The following SDK1 variants were observed in gnomAD, a reference collection of about 807,000 sequenced individuals.
The protein encoded by SDK1 is protein sidekick-1.
In SDK1, 157 loss-of-function variants were observed where a neutral mutation model predicts 245.5. The observed-to-expected ratio is 0.64, with a 90% CI of 0.56 to 0.73. The LOEUF (loss-of-function observed/expected upper bound fraction) is 0.73, where lower values mean the gene tolerates loss of function less well. Among genes scored for constraint, SDK1 ranks in the 30% least tolerant of loss-of-function variants. The pLI, the probability that SDK1 is intolerant of heterozygous loss-of-function variation, is 0.00. For synonymous variants in SDK1, 1,647 were observed against 1,278.5 expected (o/e 1.29, Z -6.15); for missense variants, 3,583 against 3,002.3 (o/e 1.19, Z -4.52).
At chr7:3,650,387 C>A (rs531594156) in intron 4 of SDK1, among the ~76,000 whole-genome samples, 2 of 152,308 alleles carry the variant, frequency 1.3e-5, no homozygotes, top group East Asian at 1.9e-4. Context: ...CTGGAAACCA[C>A]TGTTCTGCTT....
At chr7:3,973,335 T>C (rs554087877) in intron 12 of SDK1, among the ~76,000 whole-genome samples, 10 of 152,214 alleles carry the variant, frequency 6.6e-5, no homozygotes, top group Non-Finnish European at 1.3e-4. Flanking sequence ...CTGGGCACAT[T>C]TGCAAAACCC....
At chr7:3,442,560 C>A (rs1780225057) in intron 1 of SDK1, among the ~76,000 whole-genome samples, 1 of 152,174 alleles carries the variant, frequency 6.6e-6, no homozygotes, top group South Asian at 2.1e-4. Context: ...GGCATGAAGT[C>A]AACCTGCCTG....
intron 4 of SDK1, among the ~76,000 whole-genome samples, chr7:3,814,606 G>C (rs1342100494): frequency 6.6e-6 from 1 of 151,926 alleles, no homozygotes; most frequent in African/African-American, 2.4e-5. Flanking sequence ...GCTCTTTTTT[G>C]GTTCCACATG....
intron 4 of SDK1, among the ~76,000 whole-genome samples, chr7:3,809,514 GA>G (rs1779333185): frequency 6.6e-6 from 1 of 152,152 alleles, no homozygotes; most frequent in Non-Finnish European, 1.5e-5. Context: ...CTCGGCAATC[GA>G]AAAGAGTCTT....
intron 4 of SDK1, among the ~76,000 whole-genome samples, chr7:3,787,186 A>T (rs532660498): frequency 4.7e-5 from 7 of 147,418 alleles, no homozygotes; most frequent in Admixed American, 3.4e-4. Context: ...ACACACACAC[A>T]CTCCCATACA....
At chr7:3,648,975 A>G (rs1404721916) in intron 4 of SDK1, among the ~76,000 whole-genome samples, 1 of 152,216 alleles carries the variant, frequency 6.6e-6, no homozygotes, top group Non-Finnish European at 1.5e-5. Flanking sequence ...AGGGGGTGCC[A>G]TGGCAGTTGT....
intron 5 of SDK1, among the ~76,000 whole-genome samples, chr7:3,930,222 T>G (rs945451053): frequency 1.3e-5 from 2 of 152,270 alleles, no homozygotes; most frequent in Non-Finnish European, 2.9e-5. Flanking sequence ...GTTGCTCCAC[T>G]TTCAGGAACA....
At chr7:3,860,059 A>G (rs899923691) in intron 5 of SDK1, among the ~76,000 whole-genome samples, 6 of 151,822 alleles carry the variant, frequency 4.0e-5, no homozygotes, top group Non-Finnish European at 7.4e-5. Context: ...AGCTGGGACT[A>G]CAGGTGCCTG....
intron 40 of SDK1, among the ~76,000 whole-genome samples, chr7:4,229,638 A>G (rs1330490146): frequency 2.0e-5 from 3 of 152,140 alleles, no homozygotes; most frequent in Non-Finnish European, 4.4e-5. Context: ...AAAGACATTC[A>G]GAGAATCCAC....
chr7:4,155,777 C>T (rs1207537670), intron 30 of SDK1, among the ~76,000 whole-genome samples: 2 of 152,164 alleles, frequency 1.3e-5, no homozygotes, highest in Admixed American at 6.5e-5. Flanking sequence ...ACCCATAGAT[C>T]TGAGCACCTC....
intron 1 of SDK1, among the ~76,000 whole-genome samples, chr7:3,452,554 ATT>A (rs2128592071): frequency 6.6e-6 from 1 of 152,340 alleles, no homozygotes; most frequent in East Asian, 1.9e-4. Flanking sequence ...AAAATGTCAC[ATT>A]GAGAGGACTT....
At chr7:3,517,613 G>T (rs1031670441) in intron 1 of SDK1, among the ~76,000 whole-genome samples, 1 of 152,092 alleles carries the variant, frequency 6.6e-6, no homozygotes, top group Non-Finnish European at 1.5e-5. Flanking sequence ...AGCCTGTCCC[G>T]CCTAGAGTAA....
In SDK1 at chr7:3,531,378, T is replaced by A. The variant is rs193102277; in HGVS notation, c.299-87702T>A. Reference sequence around the variant, plus strand: ...GTAGTAAGAAATATGACAGACATTATCTTCATTTGAAAAATAAGCATTTGA... The same window carrying A: ...GTAGTAAGAAATATGACAGACATTAACTTCATTTGAAAAATAAGCATTTGA... On this transcript the variant is annotated intron_variant, in intron 1 of 44. Coordinates refer to ENST00000404826, the MANE Select transcript of SDK1 (RefSeq NM_152744.4). 2.5e-3 allele frequency among the ~76,000 whole-genome samples: 379 copies of A among 152,348 alleles called. 2 individuals carry two copies. The highest frequency in any genetic ancestry group is 4.1e-3 in the Admixed American group (63 of 15,308).
At chr7:3,852,776 A>AAAAAT (rs1554271425) in intron 5 of SDK1, among the ~76,000 whole-genome samples, 10 of 142,706 alleles carry the variant, frequency 7.0e-5, no homozygotes, top group African/African-American at 2.6e-4. Flanking sequence ...AAAAAAAAAA[A>AAAAAT]TTTTTTTCCT....
rs1325083131 is a variant in SDK1 at position 4,026,724 on chromosome 7, G to C, written c.2602+9372G>C. Among the ~76,000 whole-genome samples the C allele has an allele frequency of 2.0e-5, 3 of 152,226 alleles. No homozygotes were observed. The highest frequency in any genetic ancestry group is 7.2e-5 in the African/African-American group (3 of 41,464). On this transcript the variant is annotated intron_variant, in intron 17 of 44. Transcript: ENST00000404826. The surrounding 1 kb of genome is among the most constrained non-coding windows in gnomAD (Gnocchi z 4.1). ...TAATGCCGTAGAAATGTTTAATGCA[G>C]TGAGAACCTTCAGGTCTATCAAAAC...
At chr7:3,864,736 G>A (rs77058641) in intron 5 of SDK1, among the ~76,000 whole-genome samples, 6,292 of 152,110 alleles carry the variant, frequency 0.041, 188 homozygotes, top group South Asian at 0.077. Flanking sequence ...GGAGCCCCAG[G>A]GAATACACCC....
chr7:3,332,612 T>C lies in SDK1; in HGVS notation c.298+30728T>C, dbSNP rs1192704951. ...AAATGGCCTGCCATTTATTTTAGAA[T>C]TACTCTGTTTCTAGGCCCTAGAAAG... On this transcript the variant is annotated intron_variant, in intron 1 of 44. Transcript: ENST00000404826. Among the ~76,000 whole-genome samples the C allele has an allele frequency of 2.0e-5, 3 of 152,028 alleles. No individual in the cohort carries two copies. The East Asian group carries it at 5.9e-4, about 30-fold the overall frequency.
chr7:3,655,485 A>ATGTATGTATG lies in SDK1; in HGVS notation c.713+13381_713+13382insGTATGTATGT, dbSNP rs1443267233. The stretch of plus-strand genomic sequence containing the variant: ...TATATATATATATATATATATATAT[A>ATGTATGTATG]TATATATATATATATATATGTATGT... On this transcript the variant is annotated intron_variant, in intron 4 of 44. Coordinates refer to ENST00000404826, the MANE Select transcript of SDK1 (RefSeq NM_152744.4). Among the ~76,000 whole-genome samples the ATGTATGTATG allele has an allele frequency of 3.1e-4, 21 of 67,814 alleles. 1 individual carries two copies. Among genetic ancestry groups the ATGTATGTATG allele is most frequent in the African/African-American group, 9.4e-4 (20 of 21,170 alleles). The allele number at this position is 67,814 out of a possible 152,430, so 44.5% of individuals were successfully genotyped here.
chr7:3,360,060 G>A (rs998377277), intron 1 of SDK1, among the ~76,000 whole-genome samples: 9 of 152,208 alleles, frequency 5.9e-5, no homozygotes, highest in Middle Eastern at 3.2e-3. Flanking sequence ...GCTGCAAAAT[G>A]TGAGGGACAG....
Sources: allele counts gnomAD v4.1 joint callset (sites outside exome capture counted in the v4.1 genomes callset), GRCh38; gene constraint gnomAD v4.1.1; non-coding constraint Gnocchi (gnomAD v3.1); transcripts MANE v1.5; gene names NCBI Gene and HGNC (gene_info 2026-07-23, HGNC 2026-07-21).